The following CCBE1 variants were observed in gnomAD, a reference collection of about 807,000 sequenced individuals.
The protein encoded by CCBE1 is collagen and calcium-binding EGF domain-containing protein 1.
In CCBE1, 37 loss-of-function variants were observed where a neutral mutation model predicts 50.0. The observed-to-expected ratio is 0.74, with a 90% CI of 0.57 to 0.97. The LOEUF is 0.97. CCBE1 is among the 50% of genes least tolerant of loss of function. CCBE1 has a pLI of 0.00. For missense variants in CCBE1, 538 were observed against 523.8 expected, an observed-to-expected ratio of 1.03 and a Z score of -0.26; for synonymous variants, 234 against 203.7, an observed-to-expected ratio of 1.15 and a Z score of -1.27.
chr18:59,495,825 G>A (rs1226546867), intron 2 of CCBE1, among the ~76,000 whole-genome samples: 1 of 152,124 alleles, frequency 6.6e-6, no homozygotes, highest in Non-Finnish European at 1.5e-5. Context: ...CCAGGCAACT[G>A]CCGCTCTCGG....
At chr18:59,673,188 T>A (rs2054457596) in intron 2 of CCBE1, among the ~76,000 whole-genome samples, 1 of 152,170 alleles carries the variant, frequency 6.6e-6, no homozygotes, top group Non-Finnish European at 1.5e-5. Flanking sequence ...TGGTGGCTCA[T>A]GCCTGTAATC....
chr18:59,674,461 G>T (rs1250718370), intron 2 of CCBE1, among the ~76,000 whole-genome samples: 2 of 152,114 alleles, frequency 1.3e-5, no homozygotes, highest in Non-Finnish European at 2.9e-5. Context: ...ACACACTGGG[G>T]CCTGTCGGTG....
chr18:59,648,040 ATAGT>A (rs1346607352), intron 2 of CCBE1, among the ~76,000 whole-genome samples: 2 of 152,256 alleles, frequency 1.3e-5, no homozygotes, highest in Non-Finnish European at 2.9e-5. Flanking sequence ...CAAAGAGAAC[ATAGT>A]TAAATGAAGG....
chr18:59,512,790 G>A (rs113319505), intron 2 of CCBE1, among the ~76,000 whole-genome samples: 247 of 152,254 alleles, frequency 1.6e-3, no homozygotes, highest in African/African-American at 5.4e-3. Flanking sequence ...AACAAATCCC[G>A]GGTAAGACAA....
At chr18:59,678,890 C>CA (rs1381057253) in intron 2 of CCBE1, among the ~76,000 whole-genome samples, 4 of 151,246 alleles carry the variant, frequency 2.6e-5, no homozygotes, top group South Asian at 2.1e-4. Flanking sequence ...AATTTTGCTA[C>CA]AAAAAAAATA....
chr18:59,509,488 T>C (rs1047607082), intron 2 of CCBE1, among the ~76,000 whole-genome samples: 3 of 152,194 alleles, frequency 2.0e-5, no homozygotes, highest in East Asian at 1.9e-4. Flanking sequence ...AGATGCATGA[T>C]AAATACTAGG....
intron 2 of CCBE1, among the ~76,000 whole-genome samples, chr18:59,525,416 A>T (rs1483190061): frequency 6.6e-6 from 1 of 152,112 alleles, no homozygotes; most frequent in East Asian, 1.9e-4. Context: ...CTTTTTAATT[A>T]GATTTTTTTT....
intron 3 of CCBE1, among the ~76,000 whole-genome samples, chr18:59,470,694 T>C (rs1446374694): frequency 6.6e-6 from 1 of 152,134 alleles, no homozygotes; most frequent in African/African-American, 2.4e-5. Flanking sequence ...TTGGCTCTAA[T>C]TCAGTAGCTC....
chr18:59,494,695 A>G (rs948691768), intron 2 of CCBE1, among the ~76,000 whole-genome samples: 1 of 152,200 alleles, frequency 6.6e-6, no homozygotes, highest in Admixed American at 6.5e-5. Flanking sequence ...GCTAATTACA[A>G]AAGATTTTTA....
chr18:59,510,373 A>T (rs1914078245), intron 2 of CCBE1, among the ~76,000 whole-genome samples: 2 of 152,238 alleles, frequency 1.3e-5, no homozygotes, highest in Admixed American at 6.5e-5. Flanking sequence ...TATCAATTGT[A>T]AGATGCACCA....
Position 59,508,711 on chromosome 18 carries a change from C to CTTTT in CCBE1, c.213-28477_213-28474dup, listed in dbSNP as rs55881131. Among the ~76,000 whole-genome samples, 616 of 95,664 alleles carry CTTTT rather than the reference C, an allele frequency of 6.4e-3. 69 individuals are homozygous for CTTTT. Among genetic ancestry groups the CTTTT allele is most frequent in the African/African-American group, 0.021 (458 of 22,074 alleles). 62.8% of individuals were successfully genotyped at this position (95,664 alleles called of 152,430 possible). On this transcript the variant is annotated intron_variant, in intron 2 of 10. Transcript: ENST00000439986. ...AGCACAGTACACACATAGAGTTACG[C>CTTTT]TTTTTTTTTTTTTTTTTTTTTTGAG...
chr18:59,589,991 A>G (rs1358478510), intron 2 of CCBE1, among the ~76,000 whole-genome samples: 1 of 152,170 alleles, frequency 6.6e-6, no homozygotes, highest in Non-Finnish European at 1.5e-5. Context: ...ATTCTTGATT[A>G]AAAGACACAC....
At chr18:59,515,902 C>T (rs759929198) in intron 2 of CCBE1, among the ~76,000 whole-genome samples, 2 of 152,210 alleles carry the variant, frequency 1.3e-5, no homozygotes, top group South Asian at 4.1e-4. Flanking sequence ...AAGGGGTAAT[C>T]CAAGTAAAGC....
chr18:59,602,056 C>A (rs553481692), intron 2 of CCBE1, among the ~76,000 whole-genome samples: 1 of 151,286 alleles, frequency 6.6e-6, no homozygotes, highest in Non-Finnish European at 1.5e-5. Context: ...AAAAGATCCA[C>A]CTCAATTCAA....
chr18:59,596,298 C>T (rs2053349917), intron 2 of CCBE1, among the ~76,000 whole-genome samples: 1 of 152,172 alleles, frequency 6.6e-6, no homozygotes, highest in African/African-American at 2.4e-5. Context: ...GACCCTAGGC[C>T]AGCTGAGAAC....
chr18:59,694,906 C>T (rs1356239988), intron 2 of CCBE1, among the ~76,000 whole-genome samples: 1 of 152,182 alleles, frequency 6.6e-6, no homozygotes, highest in Non-Finnish European at 1.5e-5. Flanking sequence ...TCTTTATTCT[C>T]CTTGATATAA....
chr18:59,693,083 C>T (rs1264896400), intron 2 of CCBE1, among the ~76,000 whole-genome samples: 1 of 152,016 alleles, frequency 6.6e-6, no homozygotes, highest in Admixed American at 6.6e-5. Context: ...AGCGAGCATA[C>T]CCTAAAGCTC....
intron 7 of CCBE1, among the ~76,000 whole-genome samples, chr18:59,445,917 C>T (rs35588582): frequency 0.061 from 9,290 of 152,286 alleles, 356 homozygotes; most frequent in Middle Eastern, 0.15. Flanking sequence ...CCCTTACCAC[C>T]AAAGCTAAGC....
intron 2 of CCBE1, among the ~76,000 whole-genome samples, chr18:59,585,181 C>T (rs2053160066): frequency 6.6e-6 from 1 of 151,868 alleles, no homozygotes; most frequent in Non-Finnish European, 1.5e-5. Context: ...CCTGGCTCAC[C>T]CTTCAGATCT....
Sources: allele counts gnomAD v4.1 joint callset (sites outside exome capture counted in the v4.1 genomes callset), GRCh38; gene constraint gnomAD v4.1.1; transcripts MANE v1.5; gene names NCBI Gene and HGNC (gene_info 2026-07-23, HGNC 2026-07-21).